Variants in JCAD observed in about 807,000 individuals in gnomAD.
JCAD encodes junctional cadherin 5-associated protein.
In JCAD, 40 loss-of-function variants were observed where a neutral mutation model predicts 98.0. That is an observed-to-expected ratio of 0.41 (90% CI 0.32 to 0.53). The LOEUF (loss-of-function observed/expected upper bound fraction) is 0.53, where lower values mean the gene tolerates loss of function less well. Ranked by LOEUF, JCAD falls within the 20% of genes least tolerant of loss-of-function variation. The pLI is 0.31. For missense variants in JCAD, 1,705 were observed against 1,738.1 expected, an observed-to-expected ratio of 0.98 and a Z score of 0.34; for synonymous variants, 691 against 682.3, an observed-to-expected ratio of 1.01 and a Z score of -0.20.
rs76996686 is a variant in JCAD, at chr10:30,082,062, G to A, written n.129-12241C>T. 9.7e-3 allele frequency among the ~76,000 whole-genome samples: 1,477 copies of A among 152,232 alleles called. 24 individuals carry two copies. Among genetic ancestry groups the A allele is most frequent in the Middle Eastern group, 0.054 (16 of 294 alleles). Reference sequence around the variant, plus strand: ...ACACTTGTTTAAATATATCGTTTACGTCTAAGTGTAATTGTGCTTTTACCT... The same window carrying A: ...ACACTTGTTTAAATATATCGTTTACATCTAAGTGTAATTGTGCTTTTACCT... On this transcript the variant is annotated intron_variant and non_coding_transcript_variant, in intron 1 of 2. Coordinates refer to the JCAD transcript ENST00000465712.
At position 30,029,627 on chromosome 10, in the gene JCAD, C is replaced by G. The variant is rs772929418; in HGVS notation, c.521G>C (p.Arg174Pro). The change falls in exon 3 of 4, where the codon CGA becomes CCA. Residue 174 changes from arginine to proline, a missense_variant. By Grantham distance (103) the Arg-to-Pro change is moderately radical. Transcript: ENST00000375377. ...CTGCCACTTGGCAGGACCTGACATT[C>G]GCAATTCTTCTTCCCAAACTGGCTT... Reference protein sequence around the residue: ...MKKPVWEEELRMSGPAKWQNV... With the variant: ...MKKPVWEEELPMSGPAKWQNV... 3.7e-6 allele frequency: 6 copies of G among 1,614,112 alleles called. No homozygotes were observed. The highest frequency in any genetic ancestry group is 2.2e-5 in the East Asian group (1 of 44,888).
chr10:30,044,834 A>G (rs368037877), intron 2 of JCAD: 132 of 982,850 alleles, frequency 1.3e-4, no homozygotes, highest in Non-Finnish European at 1.5e-4. Flanking sequence ...CTAAAAAAAA[A>G]AAAAAGTCTT....
chr10:30,028,892 C>A lies in JCAD; in HGVS notation c.1256G>T (p.Gly419Val). The A allele has an allele frequency of 6.2e-7, 1 of 1,614,194 alleles. No individual in the cohort carries two copies. Among genetic ancestry groups the A allele is most frequent in the Non-Finnish European group, 8.5e-7 (1 of 1,180,032 alleles). ...ATCAAAGGGAATGTACTGAACGAAG[C>A]CGTCATAGGCAGTGACAGGTCGGGG... Reference protein sequence around the residue: ...AHPRPVTAYDGFVQYIPFDDP... With the variant: ...AHPRPVTAYDVFVQYIPFDDP... Residue 419 changes from glycine to valine, a missense_variant, in exon 3 of 4, where the codon GGC becomes GTC. Coordinates refer to ENST00000375377, the MANE Select transcript of JCAD (RefSeq NM_020848.4).
At chr10:30,039,601 T>C (rs1193884882) in intron 2 of JCAD, among the ~76,000 whole-genome samples, 1 of 152,222 alleles carries the variant, frequency 6.6e-6, no homozygotes, top group Non-Finnish European at 1.5e-5. Context: ...TGGCCAGTCC[T>C]TGGGGAGCCG....
intron 1 of JCAD, among the ~76,000 whole-genome samples, chr10:30,057,070 T>G (rs1388755095): frequency 6.6e-6 from 1 of 152,194 alleles, no homozygotes; most frequent in South Asian, 2.1e-4. Context: ...GGTTCAGCAA[T>G]AGGCCCAGAG....
chr10:30,105,599 C>T lies in JCAD; in HGVS notation n.128+9768G>A, dbSNP rs141371994. ...TCGGCCTCCCAAAGTGCTGGAATTA[C>T]AGGTGTGAACCACAAACCCAACCCT... On this transcript the variant is annotated intron_variant and non_coding_transcript_variant, in intron 1 of 2. Coordinates refer to the JCAD transcript ENST00000465712. Among the ~76,000 whole-genome samples, 228 of 152,264 alleles carry T rather than the reference C, an allele frequency of 1.5e-3. 4 individuals carry two copies. In the East Asian group the frequency reaches 0.038, roughly 26 times the overall value.
At chr10:30,080,353 C>G (rs1218964657) in intron 1 of JCAD, among the ~76,000 whole-genome samples, 18 of 152,150 alleles carry the variant, frequency 1.2e-4, no homozygotes, top group Admixed American at 1.1e-3. Flanking sequence ...CTATCCCACC[C>G]TTCTCTCTCT....
At chr10:30,024,231 C>G (rs1031111666) in intron 3 of JCAD, among the ~76,000 whole-genome samples, 9 of 152,122 alleles carry the variant, frequency 5.9e-5, no homozygotes, top group African/African-American at 1.9e-4. Flanking sequence ...AAATATTTAC[C>G]AACTGGTACT....
At chr10:30,053,005 A>G (rs1367781047) in intron 1 of JCAD, among the ~76,000 whole-genome samples, 3 of 152,200 alleles carry the variant, frequency 2.0e-5, no homozygotes, top group Non-Finnish European at 4.4e-5. Context: ...CTAGAACACA[A>G]ACTAAAAATT....
chr10:30,025,558 G>T (rs1836772263), intron 3 of JCAD, among the ~76,000 whole-genome samples: 1 of 131,608 alleles, frequency 7.6e-6, no homozygotes, highest in Non-Finnish European at 1.7e-5. Context: ...GGGAGGGGAG[G>T]GGAGGGGAGG....
rs752505293 is a variant in JCAD at position 30,026,783 on chromosome 10, T to C, written c.3365A>G (p.Glu1122Gly). The stretch of plus-strand genomic sequence containing the variant: ...AGATAGCAACTCTTCCTGGGGGGAC[T>C]CTGGGGTGCAGGCACTTGCATCGGG... ...AEPDASACTP[E>G]SPQEELLSRP... Residue 1122 changes from glutamate (E) to glycine (G), a missense_variant, in exon 3 of 4, where the codon GAG becomes GGG. Coordinates refer to ENST00000375377, the MANE Select transcript of JCAD (RefSeq NM_020848.4). The C allele has an allele frequency of 1.9e-6, 3 of 1,614,042 alleles. No individual in the cohort carries two copies. The highest frequency in any genetic ancestry group is 2.7e-5 in the African/African-American group (2 of 74,946).
chr10:30,058,098 C>G (rs148893630), intron 1 of JCAD, among the ~76,000 whole-genome samples: 189 of 152,286 alleles, frequency 1.2e-3, no homozygotes, highest in African/African-American at 4.5e-3. Flanking sequence ...TCTGGCTGCC[C>G]GAATCCTACC....
intron 1 of JCAD, among the ~76,000 whole-genome samples, chr10:30,095,860 T>A (rs1838359095): frequency 1.3e-5 from 2 of 152,192 alleles, no homozygotes; most frequent in Non-Finnish European, 2.9e-5. Flanking sequence ...ATATAAAAAA[T>A]GACCACATTA....
At chr10:30,076,472 T>G (rs1211332024) in intron 1 of JCAD, among the ~76,000 whole-genome samples, 1 of 152,188 alleles carries the variant, frequency 6.6e-6, no homozygotes, top group African/African-American at 2.4e-5. Flanking sequence ...TTTCATTGTC[T>G]TTTTTTCTCT....
intron 2 of JCAD, among the ~76,000 whole-genome samples, chr10:30,042,332 C>A (rs1837258705): frequency 6.6e-6 from 1 of 152,200 alleles, no homozygotes; most frequent in Non-Finnish European, 1.5e-5. Context: ...TCCTCCCCAT[C>A]CAACCTACCT....
intron 1 of JCAD, among the ~76,000 whole-genome samples, chr10:30,055,832 A>C (rs1007349209): frequency 1.3e-5 from 2 of 152,220 alleles, no homozygotes; most frequent in African/African-American, 4.8e-5. Flanking sequence ...AAAAAAGAGA[A>C]AGAAAAAGAA....
In JCAD at chr10:30,026,866, C is replaced by T. The variant is rs569078936; in HGVS notation, c.3282G>A (p.Val1094=). The change falls in exon 3 of 4, where the codon GTG becomes GTA. Residue 1094 remains valine (V), a synonymous_variant. Transcript: ENST00000375377. The part of the protein sequence containing the change: ...ARAARILGIE[V]AVESLLPGIR... ...TGCCCGGCAGGAGGGACTCCACCGC[C>T]ACCTCAATGCCCAGGATCCTTGCAG... is the stretch of plus-strand genomic sequence containing the variant. 1.9e-6 allele frequency: 3 copies of T among 1,614,042 alleles called. No homozygotes were observed. The highest frequency in any genetic ancestry group is 2.2e-5 in the South Asian group (2 of 91,078).
At position 30,029,406 on chromosome 10, in the gene JCAD, T is replaced by C; in HGVS notation, c.742A>G (p.Ile248Val). ...PESLSCTEIP[I>V]PLNERHSPKM... is the part of the protein sequence containing the mutation. The stretch of plus-strand genomic sequence containing the variant: ...GGTGAATGTCTTTCATTTAATGGAA[T>C]GGGAATTTCCGTGCAACTCAGGCTC... Residue 248 changes from isoleucine to valine, a missense_variant, in exon 3 of 4, where the codon ATT (isoleucine) becomes GTT (valine). Physicochemically the swap from Ile to Val is conservative, Grantham distance 29. Coordinates refer to ENST00000375377, the MANE Select transcript of JCAD (RefSeq NM_020848.4). 6.2e-7 allele frequency: 1 copy of C among 1,613,894 alleles called. No individual in the cohort carries two copies. Among genetic ancestry groups the C allele is most frequent in the Non-Finnish European group, 8.5e-7 (1 of 1,179,980 alleles).
intron 3 of JCAD, among the ~76,000 whole-genome samples, chr10:30,022,186 T>A (rs537582056): frequency 5.5e-4 from 84 of 152,290 alleles, no homozygotes; most frequent in African/African-American, 2.0e-3. Flanking sequence ...TAAAGACATG[T>A]GAGCTGAAAC....
Sources: allele counts gnomAD v4.1 joint callset (sites outside exome capture counted in the v4.1 genomes callset), GRCh38; gene constraint gnomAD v4.1.1; transcripts MANE v1.5; gene names NCBI Gene and HGNC (gene_info 2026-07-23, HGNC 2026-07-21).